DNAH11: variants seen among roughly 807,000 people sequenced by gnomAD.
DNAH11 encodes the protein dynein axonemal heavy chain 11.
In DNAH11, 442 loss-of-function variants were observed where a neutral mutation model predicts 526.0. That is an observed-to-expected ratio of 0.84 (90% confidence interval 0.78 to 0.91). The LOEUF is 0.91. Among genes scored for constraint, DNAH11 ranks in the 40% least tolerant of loss-of-function variants. The pLI, the probability that DNAH11 is intolerant of heterozygous loss-of-function variation, is 0.00. For missense variants in DNAH11, 6,989 were observed against 5,448.7 expected, an observed-to-expected ratio of 1.28 and a Z score of -8.90; for synonymous variants, 2,461 against 1,935.9, an observed-to-expected ratio of 1.27 and a Z score of -7.12.
rs375986597 is a variant in DNAH11, at chr7:21,705,419, A to G, written c.6469-41A>G. On this transcript the variant is annotated intron_variant, in intron 38 of 81. Coordinates refer to ENST00000409508, the MANE Select transcript of DNAH11 (RefSeq NM_001277115.2). ...ATGGTAGATTATCTTTTTGTCACCA[A>G]CTCCTTAAAGGAAACCAGCAACCAG... 7.2e-5 allele frequency: 116 copies of G among 1,607,456 alleles called. No individual in the cohort carries two copies. In the African/African-American group the frequency reaches 1.5e-3, roughly 20 times the overall value.
At chr7:21,777,594 T>A (rs886765922) in intron 56 of DNAH11, among the ~76,000 whole-genome samples, 3 of 152,200 alleles carry the variant, frequency 2.0e-5, no homozygotes. Context: ...CATCTCTAAT[T>A]TTTATTTTAA....
At chr7:21,837,296 T>C (rs6461610) in intron 65 of DNAH11, among the ~76,000 whole-genome samples, 36,583 of 152,128 alleles carry the variant, frequency 0.24, 5,629 homozygotes, top group African/African-American at 0.43. Flanking sequence ...ATGTTTATTG[T>C]AGCATTGTTC....
chr7:21,773,635 A>C, intron 55 of DNAH11, 131 bp from the exon 56 acceptor site: 4 of 687,266 alleles, frequency 5.8e-6, no homozygotes, highest in Middle Eastern at 2.8e-4. Flanking sequence ...AGATTAAATA[A>C]GTTTTCGTAG....
chr7:21,592,188 G>T (rs939728461), intron 14 of DNAH11, among the ~76,000 whole-genome samples: 1 of 152,194 alleles, frequency 6.6e-6, no homozygotes, highest in African/African-American at 2.4e-5. Context: ...GAGGAAGTTA[G>T]CAAGAGAAAA....
chr7:21,694,341 C>T (rs1202023694), intron 35 of DNAH11, among the ~76,000 whole-genome samples: 1 of 152,088 alleles, frequency 6.6e-6, no homozygotes, highest in African/African-American at 2.4e-5. Context: ...TAATGATCTC[C>T]CTCCTCTTGC....
At position 21,550,128 on chromosome 7, in the gene DNAH11, T is replaced by TC. The variant is rs977925591; in HGVS notation, c.495+4979_495+4980insC. Among the ~76,000 whole-genome samples the TC allele has an allele frequency of 2.9e-4, 6 of 20,996 alleles. No homozygotes were observed. In the African/African-American group the frequency reaches 7.8e-3, roughly 27 times the overall value. The allele number at this position is 20,996 out of a possible 152,430, so 13.8% of individuals were successfully genotyped here. A position where few individuals can be genotyped will look rare whatever the true frequency, so the allele number is the denominator to read the frequency against. ...GTGACCTGTGCACTTTACATTCGTC[T>TC]TTTTTTCTCCCTTCCATTTTTTTTT... On this transcript the variant is annotated intron_variant, in intron 2 of 81. Transcript: ENST00000409508.
chr7:21,638,484 A>G (rs1297556666), intron 27 of DNAH11, among the ~76,000 whole-genome samples: 1 of 152,134 alleles, frequency 6.6e-6, no homozygotes, highest in Non-Finnish European at 1.5e-5. Context: ...TCCTCTGAAT[A>G]CCTGACAGGA....
chr7:21,674,785 C>G lies in DNAH11; in HGVS notation c.5329-6761C>G, dbSNP rs73273555. On this transcript the variant is annotated intron_variant, in intron 30 of 81. Transcript: ENST00000409508. The stretch of plus-strand genomic sequence containing the variant: ...AGGGAATTTTCACTGAAGTCTCACA[C>G]GCACACCCAATCTAAAAGATCCAGT... Among the ~76,000 whole-genome samples, 373 of 152,160 alleles carry G rather than the reference C, an allele frequency of 2.5e-3. 5 individuals carry two copies. Among genetic ancestry groups the G allele is most frequent in the African/African-American group, 8.5e-3 (354 of 41,502 alleles).
intron 12 of DNAH11, among the ~76,000 whole-genome samples, chr7:21,590,317 T>G (rs750278957): frequency 6.6e-6 from 1 of 152,204 alleles, no homozygotes; most frequent in Non-Finnish European, 1.5e-5. Flanking sequence ...TAAGCTTTCT[T>G]TTCTATTTAC....
chr7:21,588,754 C>G (rs774628272), intron 11 of DNAH11, 118 bp downstream of exon 11: 228 of 1,220,474 alleles, frequency 1.9e-4, no homozygotes, highest in Non-Finnish European at 6.3e-5. Context: ...TCACTTCTCT[C>G]ACTGGTTGGG....
intron 65 of DNAH11, among the ~76,000 whole-genome samples, chr7:21,823,414 T>C (rs1253072339): frequency 6.6e-6 from 1 of 152,300 alleles, no homozygotes; most frequent in Non-Finnish European, 1.5e-5. Flanking sequence ...TCCTGTGATA[T>C]GTTATTTTAC....
intron 77 of DNAH11, among the ~76,000 whole-genome samples, chr7:21,893,190 T>C (rs764031626): frequency 6.6e-6 from 1 of 152,322 alleles, no homozygotes; most frequent in Non-Finnish European, 1.5e-5. Context: ...ATACTACCCA[T>C]TTCTCTATAC....
intron 54 of DNAH11, among the ~76,000 whole-genome samples, chr7:21,751,165 AAC>A (rs1311411362): frequency 6.6e-6 from 1 of 152,110 alleles, no homozygotes; most frequent in Non-Finnish European, 1.5e-5. Context: ...CTCTACTAAA[AAC>A]ACAAAAATTA....
intron 62 of DNAH11, 128 bp from the exon 63 acceptor site, chr7:21,807,755 T>A: frequency 1.3e-6 from 1 of 782,300 alleles, no homozygotes; most frequent in Non-Finnish European, 1.9e-6. Context: ...CACCAACCCG[T>A]TACACTCTGT....
intron 28 of DNAH11, among the ~76,000 whole-genome samples, chr7:21,644,142 C>G (rs1787246384): frequency 6.6e-6 from 1 of 152,154 alleles, no homozygotes; most frequent in African/African-American, 2.4e-5. Context: ...ACTGATACCT[C>G]TAATAGACTG....
intron 36 of DNAH11, among the ~76,000 whole-genome samples, chr7:21,700,674 G>A (rs1181564937): frequency 1.3e-5 from 2 of 152,106 alleles, no homozygotes; most frequent in Admixed American, 1.3e-4. Flanking sequence ...GTTTACTGCA[G>A]CACTATTTAC....
At chr7:21,718,026 A>C in intron 43 of DNAH11, 101 bp downstream of exon 43, 1 of 1,457,604 alleles carries the variant, frequency 6.9e-7, no homozygotes, top group Non-Finnish European at 9.2e-7. Context: ...AAGTGAGAAG[A>C]TTTCTGGAAT....
At chr7:21,594,029 CTT>C (rs1487173768) in intron 14 of DNAH11, among the ~76,000 whole-genome samples, 2 of 150,486 alleles carry the variant, frequency 1.3e-5, no homozygotes, top group African/African-American at 2.4e-5. Context: ...CACACACACT[CTT>C]TCTCCCTCAT....
chr7:21,826,838 G>A (rs1309459720), intron 65 of DNAH11, among the ~76,000 whole-genome samples: 1 of 152,114 alleles, frequency 6.6e-6, no homozygotes, highest in African/African-American at 2.4e-5. Context: ...TATCAATAGT[G>A]TTTTTGTTTA....
Sources: gnomAD v4.1 joint callset for allele counts (sites outside exome capture counted in the v4.1 genomes callset) on GRCh38, gnomAD v4.1.1 for gene constraint, MANE v1.5 for transcripts, NCBI Gene and HGNC (gene_info 2026-07-23, HGNC 2026-07-21) for gene names.